MEIKIN: variants seen among roughly 807,000 people sequenced by gnomAD.
MEIKIN encodes meiosis-specific kinetochore protein.
intron 8 of MEIKIN, among the ~76,000 whole-genome samples, chr5:131,887,595 G>C (rs999206008): frequency 2.6e-5 from 4 of 152,096 alleles, no homozygotes; most frequent in African/African-American, 9.7e-5. Flanking sequence ...CAGCGATGAT[G>C]AGCATTATTT....
intron 11 of MEIKIN, among the ~76,000 whole-genome samples, chr5:131,828,257 G>A (rs1749649123): frequency 6.6e-6 from 1 of 152,092 alleles, no homozygotes; most frequent in Admixed American, 6.5e-5. Flanking sequence ...CCCCTCTCCG[G>A]GTTCAAGTCA....
intron 8 of MEIKIN, among the ~76,000 whole-genome samples, chr5:131,886,467 G>A (rs1055321997): frequency 5.3e-5 from 8 of 152,210 alleles, no homozygotes; most frequent in African/African-American, 1.9e-4. Flanking sequence ...AGACTTTTCA[G>A]TGGAAAACCT....
intron 9 of MEIKIN, among the ~76,000 whole-genome samples, chr5:131,858,232 A>G (rs1287379487): frequency 1.3e-5 from 2 of 152,202 alleles, no homozygotes; most frequent in African/African-American, 4.8e-5. Context: ...AAACAAACTT[A>G]ACAGACACAT....
At chr5:131,871,995 C>T (rs557425644) in intron 9 of MEIKIN, among the ~76,000 whole-genome samples, 15 of 151,844 alleles carry the variant, frequency 9.9e-5, no homozygotes, top group South Asian at 4.2e-4. Context: ...AAAACCCATC[C>T]GTACGTCACC....
intron 8 of MEIKIN, among the ~76,000 whole-genome samples, chr5:131,900,634 G>C (rs1308867815): frequency 2.6e-5 from 4 of 152,178 alleles, no homozygotes. Flanking sequence ...TAGGGGAACT[G>C]TTGGACTTGA....
intron 7 of MEIKIN, among the ~76,000 whole-genome samples, chr5:131,913,009 C>T (rs1242639648): frequency 6.6e-6 from 1 of 152,144 alleles, no homozygotes; most frequent in Non-Finnish European, 1.5e-5. Context: ...AAGTCTTTCT[C>T]AATCTTGACT....
chr5:131,826,497 T>G (rs979453460), intron 11 of MEIKIN, among the ~76,000 whole-genome samples: 2 of 152,164 alleles, frequency 1.3e-5, no homozygotes, highest in African/African-American at 2.4e-5. Context: ...TATTGTTCAT[T>G]TTTAGACATT....
chr5:131,936,596 T>C (rs1476236388), intron 4 of MEIKIN, among the ~76,000 whole-genome samples: 1 of 152,180 alleles, frequency 6.6e-6, no homozygotes, highest in Non-Finnish European at 1.5e-5. Flanking sequence ...TGTTCCAACT[T>C]TTTTTTCTTT....
chr5:131,925,571 C>G (rs1321770101), intron 5 of MEIKIN, among the ~76,000 whole-genome samples: 3 of 151,952 alleles, frequency 2.0e-5, no homozygotes, highest in African/African-American at 7.3e-5. Flanking sequence ...TAGTTTATTG[C>G]TAGGATATAG....
chr5:131,829,373 G>A (rs1212543049), intron 11 of MEIKIN, among the ~76,000 whole-genome samples: 1 of 152,202 alleles, frequency 6.6e-6, no homozygotes, highest in African/African-American at 2.4e-5. Flanking sequence ...AAAAGAGAAA[G>A]CCATGGCATG....
At chr5:131,865,462 G>A (rs770884591) in intron 9 of MEIKIN, among the ~76,000 whole-genome samples, 18 of 152,252 alleles carry the variant, frequency 1.2e-4, no homozygotes, top group Non-Finnish European at 2.2e-4. Context: ...CTTGTGTTCC[G>A]CCCACCTGGG....
At chr5:131,814,881 C>A (rs1018928495) in intron 12 of MEIKIN, among the ~76,000 whole-genome samples, 5 of 152,138 alleles carry the variant, frequency 3.3e-5, no homozygotes, top group African/African-American at 1.2e-4. Flanking sequence ...CCAAGGCCAA[C>A]CTGGATGCCA....
chr5:131,913,901 C>A (rs1751367224), intron 7 of MEIKIN, among the ~76,000 whole-genome samples: 1 of 152,166 alleles, frequency 6.6e-6, no homozygotes, highest in African/African-American at 2.4e-5. Context: ...TTGTCCCCTC[C>A]AAAATTCGTG....
At position 131,807,221 on chromosome 5, in the gene MEIKIN, G is replaced by C. The variant is rs1415409499; in HGVS notation, c.*15C>G. 2.5e-6 allele frequency: 1 copy of C among 398,200 alleles called. No homozygotes were observed. The highest frequency in any genetic ancestry group is 4.4e-6 in the Non-Finnish European group (1 of 226,014). The allele number at this position is 398,200 out of a possible 1,614,324, so 24.7% of individuals were successfully genotyped here. The stretch of plus-strand genomic sequence containing the variant: ...CTGTCTTCAAAGTGGTGAAAATTCA[G>C]CCACAGCTGTTTTTTCATGCCATTT... On this transcript the variant is annotated 3_prime_UTR_variant, in exon 13 of 13. Transcript: ENST00000442687.
chr5:131,858,307 G>C (rs890130359), intron 9 of MEIKIN, among the ~76,000 whole-genome samples: 1 of 152,118 alleles, frequency 6.6e-6, no homozygotes, highest in Non-Finnish European at 1.5e-5. Flanking sequence ...TCTGATCTTC[G>C]ACAAAGCTGA....
rs186590131 is a variant in MEIKIN, at chr5:131,832,982, C to T, written c.976-14119G>A. On this transcript the variant is annotated intron_variant, in intron 11 of 12. Transcript: ENST00000442687. ...CTCCAACATGCCCTGGAGACATTTT[C>T]CCCATTGTCTTGGGGATTAACATTT... Among the ~76,000 whole-genome samples, 494 of 152,324 alleles carry T rather than the reference C, an allele frequency of 3.2e-3. 1 individual carries two copies. The highest frequency in any genetic ancestry group is 6.8e-3 in the Middle Eastern group (2 of 294).
chr5:131,851,894 T>A (rs928162935), intron 10 of MEIKIN, among the ~76,000 whole-genome samples: 1 of 152,212 alleles, frequency 6.6e-6, no homozygotes, highest in African/African-American at 2.4e-5. Context: ...ATCCACATAT[T>A]TTGGTATCTT....
intron 4 of MEIKIN, among the ~76,000 whole-genome samples, chr5:131,936,376 T>C (rs538143339): frequency 6.6e-6 from 1 of 152,342 alleles, no homozygotes; most frequent in South Asian, 2.1e-4. Context: ...AATGATTTCT[T>C]TTGATAGGCA....
chr5:131,825,679 T>G (rs890223586), intron 11 of MEIKIN, among the ~76,000 whole-genome samples: 1 of 152,108 alleles, frequency 6.6e-6, no homozygotes, highest in Non-Finnish European at 1.5e-5. Context: ...CCACATTGTT[T>G]GCATAAACTA....
Sources: gnomAD v4.1 joint callset for allele counts (sites outside exome capture counted in the v4.1 genomes callset) on GRCh38, gnomAD v4.1.1 for gene constraint, MANE v1.5 for transcripts, NCBI Gene and HGNC (gene_info 2026-07-23, HGNC 2026-07-21) for gene names.